Variants in QRICH1 observed in about 807,000 individuals in gnomAD.
QRICH1 encodes the protein glutamine rich 1, also known as transcriptional regulator QRICH1.
In QRICH1, 16 loss-of-function variants were observed where a neutral mutation model predicts 87.1. That is an observed-to-expected ratio of 0.18 (90% CI 0.12 to 0.28). QRICH1 has a LOEUF of 0.28. Ranked by LOEUF, QRICH1 falls within the 10% of genes least tolerant of loss-of-function variation. QRICH1 has a pLI of 1.00. For synonymous variants in QRICH1, 367 were observed against 368.4 expected (o/e 1.00, Z 0.05); for missense variants, 647 against 951.7 (o/e 0.68, Z 4.21).
At chr3:49,048,845 T>G (rs1453863271) in intron 3 of QRICH1, among the ~76,000 whole-genome samples, 13 of 147,740 alleles carry the variant, frequency 8.8e-5, no homozygotes, top group Admixed American at 8.8e-4. Flanking sequence ...GGGCCTTATC[T>G]CCAGCCATTG....
At chr3:49,047,360 C>T in intron 3 of QRICH1, 114 bp from the exon 4 acceptor site, 1 of 1,023,806 alleles carries the variant, frequency 9.8e-7, no homozygotes, top group African/African-American at 1.6e-5. Context: ...TATTTCTCTA[C>T]TCATTGCTGT....
intron 1 of QRICH1, among the ~76,000 whole-genome samples, chr3:49,079,342 G>C (rs532083787): frequency 3.3e-5 from 5 of 151,866 alleles, no homozygotes; most frequent in African/African-American, 1.2e-4. Flanking sequence ...GATTGCTTGA[G>C]ACCAGGTCTT....
chr3:49,043,209 T>C (rs931510930), intron 6 of QRICH1, among the ~76,000 whole-genome samples: 1 of 151,966 alleles, frequency 6.6e-6, no homozygotes, highest in African/African-American at 2.4e-5. Context: ...AAACATAAAG[T>C]CTATTGGCTG....
chr3:49,057,599 C>G lies in QRICH1; in HGVS notation c.601G>C (p.Ala201Pro), dbSNP rs1002004367. 1.7e-5 allele frequency: 28 copies of G among 1,613,762 alleles called. No individual in the cohort carries two copies. The highest frequency in any genetic ancestry group is 2.4e-5 in the Non-Finnish European group (28 of 1,179,826). ...PHQQIQAQLV[A>P]GQSLAGGQQI... Reference sequence around the variant, plus strand: ...TGACCACCAGCAAGAGACTGGCCAGCCACCAGCTGAGCCTGGATTTGCTGA... The same window carrying G: ...TGACCACCAGCAAGAGACTGGCCAGGCACCAGCTGAGCCTGGATTTGCTGA... The change falls in exon 3 of 10, where the codon GCT becomes CCT. Residue 201 changes from alanine (A) to proline (P), a missense_variant. Ala to Pro is a conservative substitution (Grantham distance 27, BLOSUM62 -1). Coordinates refer to ENST00000395443, the MANE Select transcript of QRICH1 (RefSeq NM_198880.3). This position sits in a 1 kb window ranked among gnomAD's most constrained non-coding sequence, Gnocchi z 5.4.
chr3:49,040,561 G>C (rs938270772), intron 6 of QRICH1, among the ~76,000 whole-genome samples: 1 of 152,060 alleles, frequency 6.6e-6, no homozygotes, highest in South Asian at 2.1e-4. Context: ...TATATTCTCC[G>C]GCACCTAGCA....
chr3:49,066,248 A>G (rs1465175459), intron 2 of QRICH1, among the ~76,000 whole-genome samples: 1 of 152,066 alleles, frequency 6.6e-6, no homozygotes, highest in Admixed American at 6.6e-5. Context: ...AGATCATGTC[A>G]CTGTACTCTG....
chr3:49,030,831 A>G (rs898385142), intron 9 of QRICH1, among the ~76,000 whole-genome samples, 187 bp from the exon 10 acceptor site: 2 of 151,780 alleles, frequency 1.3e-5, no homozygotes, highest in Non-Finnish European at 1.5e-5. Flanking sequence ...AAATCCCCCA[A>G]ATGTTGGGTT....
intron 1 of QRICH1, among the ~76,000 whole-genome samples, chr3:49,090,207 C>A (rs1369350169): frequency 6.6e-6 from 1 of 152,188 alleles, no homozygotes; most frequent in Non-Finnish European, 1.5e-5. Flanking sequence ...CGCCTGTAAT[C>A]CCAGCACTGT....
Position 49,029,769 on chromosome 3 carries a change from A to G in QRICH1, c.*683T>C, listed in dbSNP as rs777476540. The G allele has an allele frequency of 3.4e-6, 1 of 295,590 alleles. No individual in the cohort carries two copies. Among genetic ancestry groups the G allele is most frequent in the Admixed American group, 5.0e-5 (1 of 19,878 alleles). 18.3% of individuals were successfully genotyped at this position (295,590 alleles called of 1,614,324 possible). A position where few individuals can be genotyped will look rare whatever the true frequency, so the allele number is the denominator to read the frequency against. ...TAGAGTAAGAATACATAAGAGAAAC[A>G]GAGTGGTATCTTTATATGATACACA... On this transcript the variant is annotated 3_prime_UTR_variant, in exon 10 of 10. Transcript: ENST00000395443.
Position 49,046,539 on chromosome 3 carries a change from A to G in QRICH1, c.1557T>C (p.Ser519=), listed in dbSNP as rs2093340435. The change falls in exon 5 of 10, where the codon TCT becomes TCC. Residue 519 remains serine, a synonymous_variant. Coordinates refer to ENST00000395443, the MANE Select transcript of QRICH1 (RefSeq NM_198880.3). Reference sequence around the variant, plus strand: ...GCCCATAATTCAACTCTGCCACAGCAGAGGAGATGAGATCTTCCTGGAATC... The same window carrying G: ...GCCCATAATTCAACTCTGCCACAGCGGAGGAGATGAGATCTTCCTGGAATC... The part of the protein sequence containing the change: ...LLRFQEDLIS[S]AVAELNYGLC... 6.2e-7 allele frequency: 1 copy of G among 1,613,222 alleles called. No homozygotes were observed. Among genetic ancestry groups the G allele is most frequent in the African/African-American group, 1.3e-5 (1 of 74,870 alleles).
chr3:49,038,001 A>T (rs2106830671), intron 6 of QRICH1, among the ~76,000 whole-genome samples: 1 of 152,274 alleles, frequency 6.6e-6, no homozygotes, highest in East Asian at 1.9e-4. Context: ...CTTAATTTTG[A>T]CCTTGATTCA....
At position 49,056,935 on chromosome 3, in the gene QRICH1, G is replaced by C. The variant is rs757974895; in HGVS notation, c.1265C>G (p.Pro422Arg). The stretch of plus-strand genomic sequence containing the variant: ...CTGTTCCTGGGGAGTTTGCTGCTGC[G>C]GCTGCTGTTGGGGGTCCCATATATG... The part of the protein sequence containing the change: ...TVHIWDPQQQ[P>R]QQQTPQEQTP... Residue 422 changes from proline to arginine, a missense_variant, in exon 3 of 10, where the codon CCG (proline) becomes CGG (arginine). Physicochemically the swap from Pro to Arg is moderately radical, Grantham distance 103. This residue lies in a region of QRICH1 where 115 missense variants were observed against 126.8 expected (regional missense o/e 0.91). Transcript: ENST00000395443. 1 of 1,614,066 alleles carries C rather than the reference G, an allele frequency of 6.2e-7. No homozygotes were observed. Among genetic ancestry groups the C allele is most frequent in the South Asian group, 1.1e-5 (1 of 91,088 alleles).
intron 2 of QRICH1, among the ~76,000 whole-genome samples, chr3:49,074,749 C>A (rs1353375862): frequency 6.7e-6 from 1 of 150,134 alleles, no homozygotes; most frequent in Non-Finnish European, 1.5e-5. Flanking sequence ...GAGGCCGAGG[C>A]AGGTGGATCA....
intron 2 of QRICH1, among the ~76,000 whole-genome samples, chr3:49,061,973 T>C (rs576185628): frequency 2.6e-5 from 4 of 152,290 alleles, no homozygotes; most frequent in South Asian, 2.1e-4. Context: ...TAATAAGTTA[T>C]ATCTAAAAAA....
At chr3:49,063,401 C>A (rs2093446704) in intron 2 of QRICH1, among the ~76,000 whole-genome samples, 1 of 152,136 alleles carries the variant, frequency 6.6e-6, no homozygotes, top group Non-Finnish European at 1.5e-5. Flanking sequence ...ATTACATGGT[C>A]AAATTTAAGA....
At chr3:49,032,834 C>G in intron 7 of QRICH1, 61 bp from the exon 8 acceptor site, 1 of 1,537,274 alleles carries the variant, frequency 6.5e-7, no homozygotes, top group African/African-American at 1.4e-5. Context: ...CATGACTCAT[C>G]CTCTGCCCAC....
chr3:49,058,076 C>T (rs1370932450), intron 2 of QRICH1, 186 bp from the exon 3 acceptor site: 8 of 1,010,824 alleles, frequency 7.9e-6, no homozygotes, highest in Non-Finnish European at 1.1e-5. Flanking sequence ...CAGCACATTA[C>T]AATAACAGGG....
intron 1 of QRICH1, among the ~76,000 whole-genome samples, chr3:49,086,257 TTTTC>T (rs2042164453): frequency 6.7e-6 from 1 of 148,512 alleles, no homozygotes; most frequent in Non-Finnish European, 1.5e-5. Context: ...CTCTTTTTCT[TTTTC>T]TTTTTTTTTT....
In QRICH1 at chr3:49,057,739, G is replaced by A. The variant is rs1278119246; in HGVS notation, c.461C>T (p.Pro154Leu). The change falls in exon 3 of 10, where the codon CCG becomes CTG. Residue 154 changes from proline to leucine, a missense_variant. Physicochemically the swap from Pro to Leu is moderately conservative, Grantham distance 98. Around this residue, in one of 7 missense-constraint regions of QRICH1, gnomAD observed 156 missense variants for 164.5 expected, o/e 0.95. Transcript: ENST00000395443. The surrounding 1 kb of genome is among the most constrained non-coding windows in gnomAD (Gnocchi z 5.4). The stretch of plus-strand genomic sequence containing the variant: ...CGAGGGACTGGGACTCTGCAGAGAC[G>A]GGGTCTGAATGGAGGGGGCTGCTGA... Reference protein sequence around the residue: ...PQSAAPSIQTPSLQSPSPSQL... With the variant: ...PQSAAPSIQTLSLQSPSPSQL... The A allele has an allele frequency of 1.9e-6, 3 of 1,614,170 alleles. No homozygotes were observed. The highest frequency in any genetic ancestry group is 2.2e-5 in the East Asian group (1 of 44,884).
Sources: gnomAD v4.1 joint callset for allele counts (sites outside exome capture counted in the v4.1 genomes callset) on GRCh38, gnomAD v4.1.1 for gene constraint, gnomAD v4.1.1 regional missense constraint, Gnocchi (gnomAD v3.1) non-coding constraint, MANE v1.5 for transcripts, NCBI Gene and HGNC (gene_info 2026-07-23, HGNC 2026-07-21) for gene names.